PPP2R5E: variants seen among roughly 807,000 people sequenced by gnomAD.
PPP2R5E encodes serine/threonine-protein phosphatase 2A 56 kDa regulatory subunit epsilon isoform.
Under a neutral mutation model 65.3 loss-of-function variants are expected in PPP2R5E, and 4 were observed. That is an observed-to-expected ratio of 0.06 (90% CI 0.03 to 0.14). The LOEUF (loss-of-function observed/expected upper bound fraction) is 0.14. Ranked by LOEUF, PPP2R5E falls within the 10% of genes least tolerant of loss-of-function variation. The pLI, the probability that PPP2R5E is intolerant of heterozygous loss-of-function variation, is 1.00. For missense variants in PPP2R5E, 274 were observed against 556.1 expected, an observed-to-expected ratio of 0.49 and a Z score of 5.10; for synonymous variants, 183 against 187.4, an observed-to-expected ratio of 0.98 and a Z score of 0.19.
intron 2 of PPP2R5E, among the ~76,000 whole-genome samples, chr14:63,466,302 A>G (rs1889798426): frequency 6.6e-6 from 1 of 151,944 alleles, no homozygotes; most frequent in Admixed American, 6.5e-5. Flanking sequence ...ACAAGAGTCA[A>G]TCCAATGTTG....
chr14:63,469,737 GAGAC>G (rs1890023443), intron 2 of PPP2R5E, among the ~76,000 whole-genome samples: 1 of 152,146 alleles, frequency 6.6e-6, no homozygotes, highest in African/African-American at 2.4e-5. Context: ...ACCAAGTTGA[GAGAC>G]AGAAAAGAAA....
At chr14:63,386,502 A>C (rs1884674140) in intron 11 of PPP2R5E, among the ~76,000 whole-genome samples, 1 of 152,192 alleles carries the variant, frequency 6.6e-6, no homozygotes, top group African/African-American at 2.4e-5. Flanking sequence ...GGGCATCTAC[A>C]AGCCTATCCA....
intron 5 of PPP2R5E, 117 bp from the exon 6 acceptor site, chr14:63,396,833 T>C (rs1885422638): frequency 3.1e-6 from 4 of 1,294,376 alleles, no homozygotes; most frequent in Admixed American, 4.3e-5. Flanking sequence ...ATATCTATTA[T>C]GTGCCAAGCA....
At chr14:63,405,715 T>C (rs1269716185) in intron 5 of PPP2R5E, among the ~76,000 whole-genome samples, 1 of 152,218 alleles carries the variant, frequency 6.6e-6, no homozygotes, top group Non-Finnish European at 1.5e-5. Context: ...CTAATTCATT[T>C]AGGTCTAAAG....
Position 63,384,490 on chromosome 14 carries a change from T to C in PPP2R5E, c.1156A>G (p.Ile386Val). 2 of 1,613,992 alleles carry C rather than the reference T, an allele frequency of 1.2e-6. No individual in the cohort carries two copies. The highest frequency in any genetic ancestry group is 1.7e-6 in the Non-Finnish European group (2 of 1,179,934). The change falls in exon 12 of 14, where the codon ATC becomes GTC. Residue 386 changes from isoleucine to valine, a missense_variant. By Grantham distance (29) the Ile-to-Val change is conservative (BLOSUM62 3). Coordinates refer to ENST00000337537, the MANE Select transcript of PPP2R5E (RefSeq NM_006246.5). Reference sequence around the variant, plus strand: ...ATCCTATAAAGGCTGGAAAACATGATGGGAAGGATGACGTTAGAGTTTTCT... The same window carrying C: ...ATCCTATAAAGGCTGGAAAACATGACGGGAAGGATGACGTTAGAGTTTTCT... Reference protein sequence around the residue: ...IEENSNVILPIMFSSLYRISK... With the variant: ...IEENSNVILPVMFSSLYRISK...
At chr14:63,532,393 A>G (rs1462972403) in intron 2 of PPP2R5E, among the ~76,000 whole-genome samples, 1 of 152,146 alleles carries the variant, frequency 6.6e-6, no homozygotes, top group African/African-American at 2.4e-5. Context: ...AGTAGATGCA[A>G]CTCTCCAGGT....
At chr14:63,455,918 C>T (rs1889102140) in intron 2 of PPP2R5E, among the ~76,000 whole-genome samples, 1 of 152,024 alleles carries the variant, frequency 6.6e-6, no homozygotes, top group Non-Finnish European at 1.5e-5. Context: ...AGGCATCCAC[C>T]ACCACACCCA....
intron 2 of PPP2R5E, among the ~76,000 whole-genome samples, chr14:63,496,156 G>A (rs777923071): frequency 1.3e-5 from 2 of 152,048 alleles, no homozygotes; most frequent in Non-Finnish European, 2.9e-5. Context: ...GGGATGTATT[G>A]GTGTTCACCG....
intron 2 of PPP2R5E, among the ~76,000 whole-genome samples, chr14:63,461,439 C>T (rs1459876941): frequency 1.3e-5 from 2 of 151,736 alleles, no homozygotes; most frequent in Non-Finnish European, 2.9e-5. Context: ...AAATAAAGCA[C>T]CTTTATAATA....
At position 63,379,826 on chromosome 14, in the gene PPP2R5E, CTTTTTTT is replaced by C. The variant is rs558475440; in HGVS notation, c.1304+2223_1304+2229del. Among the ~76,000 whole-genome samples the C allele has an allele frequency of 1.5e-4, 15 of 100,278 alleles. 1 individual carries two copies. The highest frequency in any genetic ancestry group is 6.3e-4 in the East Asian group (2 of 3,182). 65.8% of individuals were successfully genotyped at this position (100,278 alleles called of 152,430 possible). On this transcript the variant is annotated intron_variant, in intron 13 of 13. Transcript: ENST00000337537. Reference sequence around the variant, plus strand: ...TAAGTTGTTCTTCAATATTCTCTCTCTTTTTTTTTTTTTTTTTTTTTTTTTTGAGACA... The same window carrying C: ...TAAGTTGTTCTTCAATATTCTCTCTCTTTTTTTTTTTTTTTTTTTGAGACA...
At chr14:63,526,511 T>G (rs933487697) in intron 2 of PPP2R5E, among the ~76,000 whole-genome samples, 1 of 152,174 alleles carries the variant, frequency 6.6e-6, no homozygotes, top group African/African-American at 2.4e-5. Flanking sequence ...TCTGTCTCTC[T>G]GTCTCTCTTT....
intron 2 of PPP2R5E, among the ~76,000 whole-genome samples, chr14:63,500,294 T>C (rs1021201567): frequency 3.3e-5 from 5 of 152,028 alleles, no homozygotes; most frequent in African/African-American, 1.2e-4. Flanking sequence ...CTAGATTTAT[T>C]TTGACTTTAA....
intron 5 of PPP2R5E, among the ~76,000 whole-genome samples, chr14:63,400,028 G>T (rs755242323): frequency 6.6e-6 from 1 of 152,112 alleles, no homozygotes; most frequent in Non-Finnish European, 1.5e-5. Context: ...GGCAGGAAAC[G>T]CAAACTAAAG....
chr14:63,458,926 ACT>A (rs756282240), intron 2 of PPP2R5E, among the ~76,000 whole-genome samples: 1 of 152,124 alleles, frequency 6.6e-6, no homozygotes, highest in African/African-American at 2.4e-5. Context: ...TATTTCTCCA[ACT>A]TTCACAAAAA....
chr14:63,399,432 T>TGCAGTGGC (rs1400017516), intron 5 of PPP2R5E, among the ~76,000 whole-genome samples: 1 of 124,238 alleles, frequency 8.0e-6, no homozygotes, highest in African/African-American at 3.1e-5. Flanking sequence ...TAGGCTGGAG[T>TGCAGTGGC]GCAGTGGCGC....
At chr14:63,388,778 C>T (rs751834331) in intron 11 of PPP2R5E, among the ~76,000 whole-genome samples, 9 of 152,140 alleles carry the variant, frequency 5.9e-5, no homozygotes, top group African/African-American at 9.7e-5. Flanking sequence ...GGAAAAAGTC[C>T]GCCATCAAAT....
Position 63,483,956 on chromosome 14 carries a change from G to A in PPP2R5E, c.158-30071C>T, listed in dbSNP as rs112324918. On this transcript the variant is annotated intron_variant, in intron 2 of 13. Coordinates refer to ENST00000337537, the MANE Select transcript of PPP2R5E (RefSeq NM_006246.5). ...AAAGTAGACGGGACTGGTGGCGCGC[G>A]CCTATAGTCCCAGCTACTCAGGGGG... 1.0e-2 allele frequency among the ~76,000 whole-genome samples: 1,518 copies of A among 151,950 alleles called. 49 individuals are homozygous for A. The East Asian group carries it at 0.11, about 11-fold the overall frequency.
chr14:63,446,971 G>A (rs979497678), intron 3 of PPP2R5E, among the ~76,000 whole-genome samples: 2 of 152,146 alleles, frequency 1.3e-5, no homozygotes, highest in African/African-American at 4.8e-5. Flanking sequence ...TCTAAGCAGT[G>A]GGCCTCAACA....
At chr14:63,472,705 G>A (rs954081208) in intron 2 of PPP2R5E, among the ~76,000 whole-genome samples, 1 of 152,374 alleles carries the variant, frequency 6.6e-6, no homozygotes, top group South Asian at 2.1e-4. Context: ...CAGCACAGAG[G>A]TGAGAGTGAG....
Sources: allele counts gnomAD v4.1 joint callset (sites outside exome capture counted in the v4.1 genomes callset), GRCh38; gene constraint gnomAD v4.1.1; transcripts MANE v1.5; gene names NCBI Gene and HGNC (gene_info 2026-07-23, HGNC 2026-07-21).